The following PPM1L variants were observed in gnomAD, a reference collection of about 807,000 sequenced individuals.
PPM1L encodes protein phosphatase, Mg2+/Mn2+ dependent 1L.
A neutral mutation model predicts 31.4 loss-of-function variants in PPM1L; 13 were observed. That is an observed-to-expected ratio of 0.41 (90% CI 0.27 to 0.66). The LOEUF (loss-of-function observed/expected upper bound fraction) is 0.66. Among genes scored for constraint, PPM1L ranks in the 30% least tolerant of loss-of-function variants. The pLI is 0.29. For synonymous variants in PPM1L, 184 were observed against 175.4 expected (o/e 1.05, Z -0.39); for missense variants, 326 against 453.7 (o/e 0.72, Z 2.56).
chr3:160,829,146 G>A (rs911883961), intron 1 of PPM1L, among the ~76,000 whole-genome samples: 1 of 151,426 alleles, frequency 6.6e-6, no homozygotes, highest in African/African-American at 2.4e-5. Context: ...GCTTGCCTCT[G>A]CCTGTTGTTT....
rs181284580 is a variant in PPM1L, at chr3:160,985,278, A to G, written c.574+23368A>G. ...ACCCCAGCAGTGTACACTGTACCCA[A>G]TGTGTATTCTCCCCCAATGACTCCA... On this transcript the variant is annotated intron_variant, in intron 2 of 3. Coordinates refer to ENST00000498165, the MANE Select transcript of PPM1L (RefSeq NM_139245.4). Among the ~76,000 whole-genome samples, 202 of 152,274 alleles carry G rather than the reference A, an allele frequency of 1.3e-3. 1 individual carries two copies. The highest frequency in any genetic ancestry group is 2.1e-3 in the Non-Finnish European group (142 of 68,022).
At chr3:161,002,143 C>T (rs987762774) in intron 2 of PPM1L, among the ~76,000 whole-genome samples, 2 of 152,118 alleles carry the variant, frequency 1.3e-5, no homozygotes, top group African/African-American at 4.8e-5. Flanking sequence ...CAATTTCATC[C>T]ATGTCCCTAC....
chr3:160,836,316 A>AAG (rs113812255), intron 1 of PPM1L, among the ~76,000 whole-genome samples: 3,001 of 147,654 alleles, frequency 0.02, 63 homozygotes, highest in African/African-American at 0.051. Flanking sequence ...GAAGGAAAGG[A>AAG]AGAGAGAGAG....
chr3:160,902,239 A>G (rs181747487), intron 1 of PPM1L, among the ~76,000 whole-genome samples: 5 of 152,282 alleles, frequency 3.3e-5, no homozygotes, highest in Admixed American at 3.3e-4. Context: ...GCCTCTTGTA[A>G]TAGTTCCACA....
rs1277482603 is a variant in PPM1L at position 161,073,574 on chromosome 3, T to A, written c.*4417T>A. ...AGCTCTAAACATCATCCCCCCCTTT[T>A]TTTTTTTAACGGAATCTCGCTCTGT... On this transcript the variant is annotated 3_prime_UTR_variant, in exon 4 of 4. Coordinates refer to ENST00000498165, the MANE Select transcript of PPM1L (RefSeq NM_139245.4). 1.3e-5 allele frequency: 2 copies of A among 152,002 alleles called. No homozygotes were observed. The highest frequency in any genetic ancestry group is 2.9e-5 in the Non-Finnish European group (2 of 68,012). 9.4% of individuals were successfully genotyped at this position (152,002 alleles called of 1,614,324 possible).
intron 1 of PPM1L, among the ~76,000 whole-genome samples, chr3:160,923,991 T>G (rs1451860462): frequency 1.3e-5 from 2 of 152,234 alleles, no homozygotes; most frequent in East Asian, 3.8e-4. Context: ...GTGTGCCCCC[T>G]TTAGAGAAGT....
At chr3:161,041,009 T>A (rs758461963) in intron 2 of PPM1L, among the ~76,000 whole-genome samples, 1 of 152,218 alleles carries the variant, frequency 6.6e-6, no homozygotes, top group Admixed American at 6.5e-5. Flanking sequence ...AGAGGTTACC[T>A]AAGAGTCTAG....
At chr3:161,032,340 T>C (rs1718595917) in intron 2 of PPM1L, among the ~76,000 whole-genome samples, 1 of 152,206 alleles carries the variant, frequency 6.6e-6, no homozygotes, top group South Asian at 2.1e-4. Context: ...AAAAATGTAT[T>C]ACAAGGGCTG....
intron 1 of PPM1L, among the ~76,000 whole-genome samples, chr3:160,806,160 G>C (rs371224035): frequency 1.3e-5 from 2 of 152,146 alleles, no homozygotes; most frequent in African/African-American, 4.8e-5. Context: ...TGCCTTATCT[G>C]TAGAACAACT....
intron 2 of PPM1L, among the ~76,000 whole-genome samples, chr3:160,987,812 C>T (rs796609): frequency 6.6e-6 from 1 of 152,056 alleles, no homozygotes; most frequent in Non-Finnish European, 1.5e-5. Flanking sequence ...TAGTAATGAA[C>T]GATATGCTCT....
intron 1 of PPM1L, among the ~76,000 whole-genome samples, chr3:160,789,682 A>G (rs181824947): frequency 1.3e-5 from 2 of 152,124 alleles, no homozygotes; most frequent in Admixed American, 1.3e-4. Flanking sequence ...AAGTTTATCA[A>G]ATATGTTTTC....
chr3:160,783,330 T>C (rs1028944878), intron 1 of PPM1L, among the ~76,000 whole-genome samples: 6 of 152,144 alleles, frequency 3.9e-5, no homozygotes, highest in Admixed American at 6.5e-5. Flanking sequence ...CTGGGTGCGG[T>C]GGCTCACGCC....
chr3:161,005,007 T>C (rs1174400398), intron 2 of PPM1L, among the ~76,000 whole-genome samples: 1 of 152,214 alleles, frequency 6.6e-6, no homozygotes, highest in Non-Finnish European at 1.5e-5. Context: ...TACACACTGC[T>C]TTGAATGCGT....
intron 1 of PPM1L, among the ~76,000 whole-genome samples, chr3:160,821,990 A>G (rs1037907006): frequency 6.6e-6 from 1 of 152,084 alleles, no homozygotes; most frequent in Admixed American, 6.6e-5. Context: ...TGGGATCAGA[A>G]CTAAGGTCTT....
chr3:161,010,271 T>C (rs4613509), intron 2 of PPM1L, among the ~76,000 whole-genome samples: 94,776 of 151,936 alleles, frequency 0.62, 31,883 homozygotes, highest in East Asian at 0.98. Flanking sequence ...TTTGTCCTTG[T>C]GCTAGTTTGC....
At chr3:160,961,947 G>GC (rs751907290) in intron 2 of PPM1L, 37 bp downstream of exon 2, 80 of 1,493,796 alleles carry the variant, frequency 5.4e-5, no homozygotes, top group Non-Finnish European at 7.0e-5. Context: ...TTTTTTCCTT[G>GC]CAAAAAAAAT....
At chr3:160,880,235 A>G (rs563694423) in intron 1 of PPM1L, among the ~76,000 whole-genome samples, 1 of 152,164 alleles carries the variant, frequency 6.6e-6, no homozygotes, top group South Asian at 2.1e-4. Context: ...ATTCACCCCT[A>G]CATTCCCTAA....
At chr3:161,065,661 G>GCCTCTCTAATACTGCA in intron 3 of PPM1L, 97 bp downstream of exon 3, 1 of 1,091,016 alleles carries the variant, frequency 9.2e-7, no homozygotes, top group Non-Finnish European at 1.3e-6. Flanking sequence ...CAGTTATGCA[G>GCCTCTCTAATACTGCA]TATTAGAGAG....
chr3:160,812,518 G>A (rs186571143), intron 1 of PPM1L, among the ~76,000 whole-genome samples: 79 of 152,316 alleles, frequency 5.2e-4, no homozygotes, highest in Non-Finnish European at 8.5e-4. Flanking sequence ...AGTCTTCTTT[G>A]TGCTTGCTGT....
Sources: gnomAD v4.1 joint callset for allele counts (sites outside exome capture counted in the v4.1 genomes callset) on GRCh38, gnomAD v4.1.1 for gene constraint, MANE v1.5 for transcripts, NCBI Gene and HGNC (gene_info 2026-07-23, HGNC 2026-07-21) for gene names.